FLNC: variants seen among roughly 807,000 people sequenced by gnomAD.
FLNC encodes the protein filamin C, also known as filamin-C.
A neutral mutation model predicts 254.3 loss-of-function variants in FLNC; 91 were observed. The observed-to-expected ratio is 0.36, with a 90% confidence interval of 0.30 to 0.43. FLNC has a LOEUF of 0.43. Among genes scored for constraint, FLNC ranks in the 20% least tolerant of loss-of-function variants. The pLI is 1.00. For missense variants in FLNC, 2,853 were observed against 3,802.6 expected, an observed-to-expected ratio of 0.75 and a Z score of 6.57; for synonymous variants, 1,430 against 1,577.2, an observed-to-expected ratio of 0.91 and a Z score of 2.21.
rs1378050261 is a variant in FLNC at position 128,859,144 on chromosome 7, G to C, written c.*621G>C. ...TCTCTTTTTTTAAAATGGTTGCACG[G>C]CTCTGCCCCATGGGGGGCCTTTTTT... On this transcript the variant is annotated 3_prime_UTR_variant, in exon 48 of 48. Transcript: ENST00000325888. The C allele has an allele frequency of 6.4e-6, 1 of 155,148 alleles. No homozygotes were observed. 9.6% of individuals were successfully genotyped at this position (155,148 alleles called of 1,614,324 possible).
Position 128,844,074 on chromosome 7 carries a change from T to C in FLNC, c.3000T>C (p.Asp1000=), listed in dbSNP as rs184454068. 1,396 of 1,614,014 alleles carry C rather than the reference T, an allele frequency of 8.6e-4. 2 individuals carry two copies. Among genetic ancestry groups the C allele is most frequent in the Middle Eastern group, 2.8e-3 (17 of 6,062 alleles). Residue 1000 remains aspartate (D), a synonymous_variant, in exon 20 of 48, where the codon GAT becomes GAC. Transcript: ENST00000325888. ...TRGAGGQGQL[D]VRMTSPSRRP... ...GGGCTGGCGGTCAGGGCCAACTGGA[T>C]GTGCGGATGACTTCGCCCTCTCGCC...
In FLNC at chr7:128,857,406, C is replaced by T. The variant is rs369530999; in HGVS notation, c.7780+70C>T. On this transcript the variant is annotated intron_variant, in intron 46 of 47. Transcript: ENST00000325888. This position sits in a 1 kb window ranked among gnomAD's most constrained non-coding sequence, Gnocchi z 4.5. ...CCAGCCTGGAGGGCTCCGGTGGCCA[C>T]GCACATCTAGGCCATAGTCTGCCCC... 15,499 of 893,846 alleles carry T rather than the reference C, an allele frequency of 0.017. 144 individuals carry two copies. Among genetic ancestry groups the T allele is most frequent in the South Asian group, 0.061 (4,209 of 69,222 alleles). The allele number at this position is 893,846 out of a possible 1,614,324, so 55.4% of individuals were successfully genotyped here. A position where few individuals can be genotyped will look rare whatever the true frequency, so the allele number is the denominator to read the frequency against.
chr7:128,835,573 C>T lies in FLNC; in HGVS notation c.600C>T (p.Pro200=), dbSNP rs202105410. Residue 200 remains proline (P), a splice_region_variant and synonymous_variant, in exon 2 of 48, where the codon CCC becomes CCT. Coordinates refer to ENST00000325888, the MANE Select transcript of FLNC (RefSeq NM_001458.5). This position sits in a 1 kb window ranked among gnomAD's most constrained non-coding sequence, Gnocchi z 5.3. ...ALGALVDNCA[P]GLCPDWEAWD... ...GCGCCCTGGTGGACAACTGCGCCCC[C>T]GGTGAGTGGGCCAGTGAGCACAGCA... 269 of 1,613,022 alleles carry T rather than the reference C, an allele frequency of 1.7e-4. No homozygotes were observed. The highest frequency in any genetic ancestry group is 1.7e-3 in the Middle Eastern group (10 of 6,060).
intron 39 of FLNC, 60 bp downstream of exon 39, chr7:128,853,897 A>G: frequency 6.2e-7 from 1 of 1,612,994 alleles, no homozygotes; most frequent in Non-Finnish European, 8.5e-7. Flanking sequence ...CCCGGGCCAG[A>G]GCCCACCTGT....
At position 128,858,471 on chromosome 7, in the gene FLNC, A is replaced by C; in HGVS notation, c.8126A>C (p.Lys2709Thr). The C allele has an allele frequency of 1.2e-6, 2 of 1,613,826 alleles. No individual in the cohort carries two copies. Among genetic ancestry groups the C allele is most frequent in the Non-Finnish European group, 1.7e-6 (2 of 1,179,958 alleles). Residue 2709 changes from lysine (K) to threonine (T), a missense_variant, in exon 48 of 48, where the codon AAG (lysine) becomes ACG (threonine). By Grantham distance (78) the Lys-to-Thr change is moderately conservative. This residue lies in a region of FLNC where 197 missense variants were observed against 351.5 expected (regional missense o/e 0.56). Transcript: ENST00000325888. This position sits in a 1 kb window ranked among gnomAD's most constrained non-coding sequence, Gnocchi z 6.7. The stretch of plus-strand genomic sequence containing the variant: ...AAAGGGGACTACATCCTCATTGTCA[A>C]GTGGGGTGACGAAAGTGTCCCTGGA... ...KEKGDYILIVKWGDESVPGSP... is the reference protein window; with the variant it reads ...KEKGDYILIVTWGDESVPGSP...
rs1330540785 is a variant in FLNC at position 128,848,012 on chromosome 7, C to T, written c.4524C>T (p.Ala1508=). 6.2e-7 allele frequency: 1 copy of T among 1,608,464 alleles called. No individual in the cohort carries two copies. The highest frequency in any genetic ancestry group is 8.5e-7 in the Non-Finnish European group (1 of 1,177,326). Residue 1508 remains alanine, a synonymous_variant, in exon 26 of 48, where the codon GCC becomes GCT. Transcript: ENST00000325888. ...DGTHTVHYTP[A]TDGPYTVAVK... ...CCCACACTGTCCACTACACCCCAGC[C>T]ACTGACGGGCCCTACACGGTAGCCG...
At position 128,843,583 on chromosome 7, in the gene FLNC, C is replaced by G. The variant is rs750718546; in HGVS notation, c.2811+6C>G. The G allele has an allele frequency of 6.2e-7, 1 of 1,613,654 alleles. No homozygotes were observed. The highest frequency in any genetic ancestry group is 1.1e-5 in the South Asian group (1 of 91,088). Reference sequence around the variant, plus strand: ...AGTACACCGCTGTCCAGCAGGTGCGCTCTGCCCCTCCCATGCTACCGCCCG... The same window carrying G: ...AGTACACCGCTGTCCAGCAGGTGCGGTCTGCCCCTCCCATGCTACCGCCCG... On this transcript the variant is annotated splice_donor_region_variant and intron_variant, in intron 18 of 47. Coordinates refer to ENST00000325888, the MANE Select transcript of FLNC (RefSeq NM_001458.5).
chr7:128,848,827 G>C lies in FLNC; in HGVS notation c.4772G>C (p.Arg1591Pro). ...PEGKPKKANI[R>P]DNGDGTYTVS... is the part of the protein sequence containing the mutation. ...GGTAAGCCCAAGAAGGCCAACATCC[G>C]GGACAATGGGGATGGCACGTACACT... Residue 1591 changes from arginine (R) to proline (P), a missense_variant, in exon 28 of 48, where the codon CGG becomes CCG. Physicochemically the swap from Arg to Pro is moderately radical, Grantham distance 103. Coordinates refer to ENST00000325888, the MANE Select transcript of FLNC (RefSeq NM_001458.5). The C allele has an allele frequency of 6.2e-7, 1 of 1,614,154 alleles. No individual in the cohort carries two copies.
Position 128,845,239 on chromosome 7 carries a change from T to A in FLNC, c.3774T>A (p.Pro1258=). The change falls in exon 21 of 48, where the codon CCT becomes CCA. Residue 1258 remains proline (P), a synonymous_variant. Coordinates refer to ENST00000325888, the MANE Select transcript of FLNC (RefSeq NM_001458.5). ...VDTSGVKVSG[P]GVEPHGVLRE... ...CCAGTGGCGTCAAGGTCTCAGGGCC[T>A]GGTGTTGAGCCACACGGTGAGTGGA... The A allele has an allele frequency of 6.2e-7, 1 of 1,613,472 alleles. No homozygotes were observed. The highest frequency in any genetic ancestry group is 8.5e-7 in the Non-Finnish European group (1 of 1,179,892).
chr7:128,847,031 T>C (rs187404566), intron 24 of FLNC, 126 bp downstream of exon 24: 130 of 1,263,124 alleles, frequency 1.0e-4, no homozygotes, highest in Admixed American at 1.8e-4. Context: ...CTAGAGTGGG[T>C]TGGGGCCGGA....
rs375957769 is a variant in FLNC, at chr7:128,852,853, C to T, written c.6030C>T (p.Val2010=). ...GGATCTCCTTCACCCCCAAGGAGGT[C>T]GGGGAGCACGTGGTGAGCGTGCGCA... is the stretch of plus-strand genomic sequence containing the variant. The part of the protein sequence containing the change: ...HIGISFTPKE[V]GEHVVSVRKS... Residue 2010 remains valine (V), a synonymous_variant, in exon 37 of 48, where the codon GTC becomes GTT. Coordinates refer to ENST00000325888, the MANE Select transcript of FLNC (RefSeq NM_001458.5). 9.9e-6 allele frequency: 16 copies of T among 1,613,720 alleles called. No individual in the cohort carries two copies. Among genetic ancestry groups the T allele is most frequent in the African/African-American group, 6.7e-5 (5 of 74,928 alleles).
At chr7:128,848,218 C>G (rs1003544278) in intron 26 of FLNC, 150 bp downstream of exon 26, 1 of 1,069,166 alleles carries the variant, frequency 9.4e-7, no homozygotes, top group South Asian at 1.4e-5. Flanking sequence ...CGCTCTTCCC[C>G]GGGGCTCTCT....
At chr7:128,849,113 CT>C in intron 28 of FLNC, 67 bp from the exon 29 acceptor site, 1 of 1,571,172 alleles carries the variant, frequency 6.4e-7, no homozygotes, top group Non-Finnish European at 8.7e-7. Flanking sequence ...CCCTCCCTCC[CT>C]CACCCCCGCC....
At position 128,847,912 on chromosome 7, in the gene FLNC, G is replaced by A. The variant is rs1418441713; in HGVS notation, c.4457-33G>A. 6 of 1,613,634 alleles carry A rather than the reference G, an allele frequency of 3.7e-6. No homozygotes were observed. The African/African-American group carries it at 4.0e-5, about 11-fold the overall frequency. The stretch of plus-strand genomic sequence containing the variant: ...AGGAGGGAGGTGGGGCGGGACGCCC[G>A]GAGGCTCTGCTGACCCTGTGCCCCT... On this transcript the variant is annotated intron_variant, in intron 25 of 47. Coordinates refer to ENST00000325888, the MANE Select transcript of FLNC (RefSeq NM_001458.5).
Position 128,838,150 on chromosome 7 carries a change from G to A in FLNC, c.1047+86G>A, listed in dbSNP as rs1440804803. 48 of 1,492,806 alleles carry A rather than the reference G, an allele frequency of 3.2e-5. No homozygotes were observed. In the East Asian group the frequency reaches 1.0e-3, roughly 31 times the overall value. The allele number at this position is 1,492,806 out of a possible 1,614,324, so 92.5% of individuals were successfully genotyped here. ...GGACCCCTCTCTCAGCCTGTACCTC[G>A]CGCCTGCCCAGAGCCCCAGCTGCCC... On this transcript the variant is annotated intron_variant, in intron 6 of 47. Coordinates refer to ENST00000325888, the MANE Select transcript of FLNC (RefSeq NM_001458.5).
chr7:128,845,298 C>G, intron 21 of FLNC, 43 bp downstream of exon 21: 1 of 1,522,936 alleles, frequency 6.6e-7, no homozygotes, highest in Non-Finnish European at 9.0e-7. Context: ...GTGGCAGGTG[C>G]AGGAGCTGGG....
Position 128,846,404 on chromosome 7 carries a change from CGGGCCAGGCCTGGA to C in FLNC, c.4072_4085del (p.Pro1358TrpfsTer42), listed in dbSNP as rs1808570879. 1 of 1,609,082 alleles carries C rather than the reference CGGGCCAGGCCTGGA, an allele frequency of 6.2e-7. No individual in the cohort carries two copies. Among genetic ancestry groups the C allele is most frequent in the African/African-American group, 1.3e-5 (1 of 74,894 alleles). On this transcript the variant is annotated frameshift_variant, in exon 23 of 48. Coordinates refer to ENST00000325888, the MANE Select transcript of FLNC (RefSeq NM_001458.5). LOFTEE classifies it high-confidence loss of function. Reference sequence around the variant, plus strand: ...GTGATCCCACCCGCGTCCGAGCCTTCGGGCCAGGCCTGGAGGGTGGCTTGGTCAACAAGGCCAAC... The same window carrying C: ...GTGATCCCACCCGCGTCCGAGCCTTCGGGTGGCTTGGTCAACAAGGCCAAC...
rs75612085 is a variant in FLNC at position 128,842,561 on chromosome 7, G to C, written c.2266-14G>C. On this transcript the variant is annotated splice_polypyrimidine_tract_variant and intron_variant, in intron 14 of 47. Transcript: ENST00000325888. The surrounding 1 kb of genome is among the most constrained non-coding windows in gnomAD (Gnocchi z 5.4). ...GAGGGAGGGCACCACGCTGAGCTGCGACCCCTCCCGCAGGTGAACGTGGGC... is the reference window on the plus strand; with the variant it reads ...GAGGGAGGGCACCACGCTGAGCTGCCACCCCTCCCGCAGGTGAACGTGGGC... The C allele has an allele frequency of 1.9e-3, 2,919 of 1,548,570 alleles. 44 individuals carry two copies. In the African/African-American group the frequency reaches 0.035, roughly 18 times the overall value.
At position 128,855,542 on chromosome 7, in the gene FLNC, G is replaced by A. The variant is rs200112044; in HGVS notation, c.7251+228G>A. On this transcript the variant is annotated intron_variant, in intron 43 of 47. Coordinates refer to ENST00000325888, the MANE Select transcript of FLNC (RefSeq NM_001458.5). ...CGCCTCGTTCTGCCTTTCTCAGGGT[G>A]TGTCTGCCTGTCCTACTGCCACCTG... Among the ~76,000 whole-genome samples the A allele has an allele frequency of 7.9e-5, 12 of 152,350 alleles. No individual in the cohort carries two copies. The East Asian group carries it at 2.1e-3, about 27-fold the overall frequency.
Sources: allele counts gnomAD v4.1 joint callset (sites outside exome capture counted in the v4.1 genomes callset), GRCh38; gene constraint gnomAD v4.1.1; regional missense constraint gnomAD v4.1.1; non-coding constraint Gnocchi (gnomAD v3.1); transcripts MANE v1.5; gene names NCBI Gene and HGNC (gene_info 2026-07-23, HGNC 2026-07-21).